The following GLRX3 variants were observed in gnomAD, a reference collection of about 807,000 sequenced individuals.
GLRX3 encodes the protein glutaredoxin 3, also known as glutaredoxin-3.
GLRX3 carries 22 observed loss-of-function variants against 49.5 expected under a neutral mutation model. The observed-to-expected ratio is 0.44, with a 90% CI of 0.32 to 0.63. The LOEUF (loss-of-function observed/expected upper bound fraction) is 0.63, where lower values mean the gene tolerates loss of function less well. Ranked by LOEUF, GLRX3 falls within the 30% of genes least tolerant of loss-of-function variation. The pLI is 0.05. For synonymous variants in GLRX3, 133 were observed against 140.0 expected, an observed-to-expected ratio of 0.95 and a Z score of 0.35; for missense variants, 385 against 396.3, an observed-to-expected ratio of 0.97 and a Z score of 0.24.
chr10:130,174,395 G>A (rs1331898024), intron 8 of GLRX3, among the ~76,000 whole-genome samples: 2 of 152,366 alleles, frequency 1.3e-5, no homozygotes, highest in East Asian at 1.9e-4. Flanking sequence ...ATGAAGGCTC[G>A]TGCAGATGGG....
chr10:130,137,552 T>C (rs1234554214), intron 1 of GLRX3, among the ~76,000 whole-genome samples: 1 of 152,166 alleles, frequency 6.6e-6, no homozygotes, highest in African/African-American at 2.4e-5. Context: ...AGCCTCAGTT[T>C]CCCGACGGTG....
At chr10:130,165,977 T>G (rs1194881932) in intron 4 of GLRX3, among the ~76,000 whole-genome samples, 1 of 152,164 alleles carries the variant, frequency 6.6e-6, no homozygotes, top group African/African-American at 2.4e-5. Flanking sequence ...AGGGAGCAGG[T>G]GTCAGATTCA....
At chr10:130,150,239 C>CAAAA (rs35014993) in intron 2 of GLRX3, among the ~76,000 whole-genome samples, 2 of 94,518 alleles carry the variant, frequency 2.1e-5, no homozygotes, top group Non-Finnish European at 4.3e-5. Context: ...GACTCCATCT[C>CAAAA]AAAAAAAAAA....
chr10:130,137,314 A>T (rs573480803), intron 1 of GLRX3, among the ~76,000 whole-genome samples: 28 of 152,354 alleles, frequency 1.8e-4, no homozygotes, highest in Admixed American at 6.5e-4. Context: ...AACTGCAAGC[A>T]TGCTTACGAG....
intron 4 of GLRX3, 91 bp downstream of exon 4, chr10:130,161,088 C>G: frequency 1.2e-6 from 1 of 811,448 alleles, no homozygotes. Context: ...TCCAAGGATG[C>G]TATACCATAC....
rs1478132924 is a variant in GLRX3, at chr10:130,145,281, G to C, written c.163G>C (p.Glu55Gln). The stretch of plus-strand genomic sequence containing the variant: ...TGCACAGATGAACGAAGTTATGGCA[G>C]AGTTAGCTAAAGAACTCCCTCAAGT... ...QCAQMNEVMA[E>Q]LAKELPQVSF... The change falls in exon 2 of 11, where the codon GAG (glutamate) becomes CAG (glutamine). Residue 55 changes from glutamate to glutamine, a missense_variant. Physicochemically the swap from Glu to Gln is conservative, Grantham distance 29. Around this residue, in one of 2 missense-constraint regions of GLRX3, gnomAD observed 374 missense variants for 358.6 expected, o/e 1.04. Transcript: ENST00000331244. The C allele has an allele frequency of 1.9e-6, 3 of 1,559,008 alleles. No homozygotes were observed. The highest frequency in any genetic ancestry group is 1.8e-6 in the Non-Finnish European group (2 of 1,130,224).
Position 130,136,397 on chromosome 10 carries a change from T to C in GLRX3, c.-24T>C, listed in dbSNP as rs1318356483. The C allele has an allele frequency of 1.6e-6, 2 of 1,247,546 alleles. No homozygotes were observed. 77.3% of individuals were successfully genotyped at this position (1,247,546 alleles called of 1,614,324 possible). ...CCCACATCCGGCCGCCGGCACTGGA[T>C]TGCTTCTGTCTGGCGGCGGCAGCAT... On this transcript the variant is annotated 5_prime_UTR_variant, in exon 1 of 11. Transcript: ENST00000331244.
intron 2 of GLRX3, among the ~76,000 whole-genome samples, chr10:130,150,221 CAG>C (rs1341705572): frequency 7.5e-6 from 1 of 132,726 alleles, no homozygotes. Flanking sequence ...GCCTGGATAA[CAG>C]AGCAAGACTC....
chr10:130,137,756 A>G (rs2134862772), intron 1 of GLRX3, among the ~76,000 whole-genome samples: 2 of 152,284 alleles, frequency 1.3e-5, no homozygotes, highest in Admixed American at 1.3e-4. Context: ...TGTTTTTGAG[A>G]CAGGGTCTGG....
Position 130,136,404 on chromosome 10 carries a change from T to C in GLRX3, c.-17T>C. 8.0e-7 allele frequency: 1 copy of C among 1,250,074 alleles called. No individual in the cohort carries two copies. Among genetic ancestry groups the C allele is most frequent in the Non-Finnish European group, 1.0e-6 (1 of 991,458 alleles). 77.4% of individuals were successfully genotyped at this position (1,250,074 alleles called of 1,614,324 possible). On this transcript the variant is annotated 5_prime_UTR_variant, in exon 1 of 11. Transcript: ENST00000331244. Reference sequence around the variant, plus strand: ...CCGGCCGCCGGCACTGGATTGCTTCTGTCTGGCGGCGGCAGCATGGCGGCG... The same window carrying C: ...CCGGCCGCCGGCACTGGATTGCTTCCGTCTGGCGGCGGCAGCATGGCGGCG...
intron 1 of GLRX3, among the ~76,000 whole-genome samples, chr10:130,138,389 G>A (rs1444282160): frequency 6.6e-6 from 1 of 152,076 alleles, no homozygotes; most frequent in Non-Finnish European, 1.5e-5. Context: ...AAATTTTGCC[G>A]ACTGAATTTG....
chr10:130,155,012 C>G (rs896655628), intron 2 of GLRX3, among the ~76,000 whole-genome samples: 7 of 151,938 alleles, frequency 4.6e-5, no homozygotes, highest in Non-Finnish European at 8.8e-5. Context: ...CGCTCTGTCA[C>G]CCAGGCCAGG....
At chr10:130,152,889 A>G (rs1028583027) in intron 2 of GLRX3, among the ~76,000 whole-genome samples, 1 of 152,164 alleles carries the variant, frequency 6.6e-6, no homozygotes, top group African/African-American at 2.4e-5. Context: ...AATATCCTGA[A>G]GAGTGTTTCC....
rs1004322854 is a variant in GLRX3, at chr10:130,152,830, G to C, written c.202-7165G>C. 3.3e-5 allele frequency among the ~76,000 whole-genome samples: 5 copies of C among 152,176 alleles called. No individual in the cohort carries two copies. In the Middle Eastern group the frequency reaches 0.01, roughly 311 times the overall value. On this transcript the variant is annotated intron_variant, in intron 2 of 10. Transcript: ENST00000331244. The stretch of plus-strand genomic sequence containing the variant: ...ATTTGTGGTGGTCTGTGTATTTCCT[G>C]AATTTGAATGTTGGCCTGCCCTGCT...
In GLRX3 at chr10:130,174,892, T is replaced by A. The variant is rs1862885060; in HGVS notation, c.850T>A (p.Leu284Met). The A allele has an allele frequency of 6.3e-7, 1 of 1,598,732 alleles. No individual in the cohort carries two copies. The highest frequency in any genetic ancestry group is 1.3e-5 in the African/African-American group (1 of 74,680). The change falls in exon 9 of 11, where the codon TTG becomes ATG. Residue 284 changes from leucine to methionine, a missense_variant. Leu to Met is a conservative substitution (Grantham distance 15, BLOSUM62 2). This residue lies in a region of GLRX3 where 374 missense variants were observed against 358.6 expected (regional missense o/e 1.04). Transcript: ENST00000331244. ...TGVEYETFDI[L>M]EDEEVRQGLK... Reference sequence around the variant, plus strand: ...TGTTGAATATGAAACATTCGATATATTGGAGGATGAAGAAGTAAGTTCTGT... The same window carrying A: ...TGTTGAATATGAAACATTCGATATAATGGAGGATGAAGAAGTAAGTTCTGT...
intron 4 of GLRX3, among the ~76,000 whole-genome samples, chr10:130,161,733 A>G (rs1048687140): frequency 3.3e-5 from 5 of 152,184 alleles, no homozygotes; most frequent in African/African-American, 1.2e-4. Flanking sequence ...TTGAGCATTT[A>G]ATGCCATTTG....
At chr10:130,164,091 T>C (rs1432891350) in intron 4 of GLRX3, among the ~76,000 whole-genome samples, 2 of 152,220 alleles carry the variant, frequency 1.3e-5, no homozygotes, top group African/African-American at 4.8e-5. Flanking sequence ...CCCACTGGAC[T>C]CAGCCTAACC....
intron 2 of GLRX3, among the ~76,000 whole-genome samples, chr10:130,156,317 C>A (rs567113652): frequency 6.6e-6 from 1 of 152,318 alleles, no homozygotes; most frequent in East Asian, 1.9e-4. Context: ...TATAATGGCA[C>A]TGTTCCCATC....
chr10:130,136,551 G>T, intron 1 of GLRX3, 39 bp downstream of exon 1: 1 of 1,248,934 alleles, frequency 8.0e-7, no homozygotes. Context: ...AGGAGCCGGA[G>T]CGGGAGCGGC....
Sources: allele counts gnomAD v4.1 joint callset (sites outside exome capture counted in the v4.1 genomes callset), GRCh38; gene constraint gnomAD v4.1.1; regional missense constraint gnomAD v4.1.1; transcripts MANE v1.5; gene names NCBI Gene and HGNC (gene_info 2026-07-23, HGNC 2026-07-21).